The following AGPAT3 variants were observed in gnomAD, a reference collection of about 807,000 sequenced individuals.
AGPAT3 encodes the protein 1-acylglycerol-3-phosphate O-acyltransferase 3, also known as 1-acyl-sn-glycerol-3-phosphate acyltransferase gamma.
A neutral mutation model predicts 47.3 loss-of-function variants in AGPAT3; 5 were observed. That is an observed-to-expected ratio of 0.11 (90% CI 0.06 to 0.22). AGPAT3 has a LOEUF of 0.22. Ranked by LOEUF, AGPAT3 falls within the 10% of genes least tolerant of loss-of-function variation. The pLI is 1.00. For missense variants in AGPAT3, 315 were observed against 493.0 expected (o/e 0.64, Z 3.42); for synonymous variants, 212 against 208.3 (o/e 1.02, Z -0.15).
intron 1 of AGPAT3, among the ~76,000 whole-genome samples, chr21:43,866,016 G>A (rs1395792452): frequency 1.3e-5 from 2 of 152,132 alleles, no homozygotes; most frequent in African/African-American, 4.8e-5. Context: ...AGCCGTGGGG[G>A]CGAAAACCCA....
chr21:43,970,607 AC>A lies in AGPAT3; in HGVS notation c.511-42del. 1 of 1,602,086 alleles carries A rather than the reference AC, an allele frequency of 6.2e-7. No individual in the cohort carries two copies. Reference sequence around the variant, plus strand: ...GCAGGCCTGGCCTGGACATGCACCCACCCCAGCTGCTCTGTGGAGTGACCCT... The same window carrying A: ...GCAGGCCTGGCCTGGACATGCACCCACCCAGCTGCTCTGTGGAGTGACCCT... On this transcript the variant is annotated intron_variant, in intron 5 of 9. Transcript: ENST00000291572. This position sits in a 1 kb window ranked among gnomAD's most constrained non-coding sequence, Gnocchi z 5.8.
chr21:43,939,857 C>T lies in AGPAT3; in HGVS notation c.-48-19777C>T, dbSNP rs970126053. 2.0e-5 allele frequency among the ~76,000 whole-genome samples: 3 copies of T among 152,210 alleles called. No individual in the cohort carries two copies. The highest frequency in any genetic ancestry group is 7.2e-5 in the African/African-American group (3 of 41,440). On this transcript the variant is annotated intron_variant, in intron 2 of 9. Coordinates refer to ENST00000291572, the MANE Select transcript of AGPAT3 (RefSeq NM_020132.5). This position sits in a 1 kb window ranked among gnomAD's most constrained non-coding sequence, Gnocchi z 4.4. The stretch of plus-strand genomic sequence containing the variant: ...CTCGTTGACCTGCATCCTGGCTGGC[C>T]CTGTGACTCTGCCTGTTTACAGTGA...
At chr21:43,879,048 A>G (rs1466789776) in intron 1 of AGPAT3, among the ~76,000 whole-genome samples, 1 of 152,082 alleles carries the variant, frequency 6.6e-6, no homozygotes, top group Non-Finnish European at 1.5e-5. Context: ...CTTGTCTTCT[A>G]GTTTTGAAAT....
At chr21:43,879,037 G>T (rs1189139983) in intron 1 of AGPAT3, among the ~76,000 whole-genome samples, 7 of 152,108 alleles carry the variant, frequency 4.6e-5, no homozygotes, top group African/African-American at 7.2e-5. Flanking sequence ...ACCACGCTTG[G>T]CTTGTCTTCT....
At chr21:43,971,563 G>A in intron 7 of AGPAT3, 73 bp downstream of exon 7, 1 of 1,451,706 alleles carries the variant, frequency 6.9e-7, no homozygotes, top group South Asian at 1.2e-5. Flanking sequence ...GAGGCCAGGA[G>A]GGTGGCTGGG....
At chr21:43,878,821 AC>A (rs2085790728) in intron 1 of AGPAT3, among the ~76,000 whole-genome samples, 1 of 150,634 alleles carries the variant, frequency 6.6e-6, no homozygotes, top group Non-Finnish European at 1.5e-5. Context: ...GCTCATTGCA[AC>A]CTCCACCTCC....
rs80200491 is a variant in AGPAT3 at position 43,880,760 on chromosome 21, G to A, written c.-112+15415G>A. ...AACAAGGACACGTCTAGAGACAGGC[G>A]CTGGACGTCTCCTGCTCACTGGCAT... On this transcript the variant is annotated intron_variant, in intron 1 of 9. Transcript: ENST00000291572. The surrounding 1 kb of genome is among the most constrained non-coding windows in gnomAD (Gnocchi z 4.5). Among the ~76,000 whole-genome samples, 7 of 152,332 alleles carry A rather than the reference G, an allele frequency of 4.6e-5. No individual in the cohort carries two copies. The East Asian group carries it at 9.6e-4, about 21-fold the overall frequency.
chr21:43,980,285 AAAAAAAC>A (rs1409844730), intron 8 of AGPAT3, among the ~76,000 whole-genome samples: 1 of 149,232 alleles, frequency 6.7e-6, no homozygotes, highest in African/African-American at 2.5e-5. Flanking sequence ...CAAAAAAAAA[AAAAAAAC>A]AAAAAAAAAC....
chr21:43,881,967 A>AT (rs2085863220), intron 1 of AGPAT3, among the ~76,000 whole-genome samples: 2 of 152,228 alleles, frequency 1.3e-5, no homozygotes, highest in Admixed American at 6.5e-5. Context: ...TATTAAAAAC[A>AT]TTTTTTTGCC....
chr21:43,886,515 G>C (rs542619528), intron 1 of AGPAT3, among the ~76,000 whole-genome samples: 3 of 152,276 alleles, frequency 2.0e-5, no homozygotes, highest in South Asian at 2.1e-4. Context: ...GCCTCCAAAA[G>C]TACTGGGATT....
chr21:43,873,251 A>G (rs1458390352), intron 1 of AGPAT3, among the ~76,000 whole-genome samples: 2 of 152,176 alleles, frequency 1.3e-5, no homozygotes, highest in Non-Finnish European at 2.9e-5. Flanking sequence ...ACCTCGTGCT[A>G]CATTCGCCAT....
chr21:43,977,388 G>A (rs117438459), intron 7 of AGPAT3, among the ~76,000 whole-genome samples: 1,742 of 152,302 alleles, frequency 0.011, 13 homozygotes, highest in Non-Finnish European at 0.02. Flanking sequence ...TCTCGGGAGC[G>A]CACACATGAC....
At chr21:43,892,586 A>G (rs973375028) in intron 1 of AGPAT3, among the ~76,000 whole-genome samples, 6 of 152,234 alleles carry the variant, frequency 3.9e-5, no homozygotes, top group Admixed American at 3.3e-4. Flanking sequence ...GAGCACAGGC[A>G]AAAGTAGATT....
chr21:43,981,939 G>A lies in AGPAT3; in HGVS notation c.1043-365G>A, dbSNP rs1466005986. ...GACAGGATGTGACCTGCTTACATCCGAGGGTCCTGCTCGTCCACCTCTGTC... is the reference window on the plus strand; with the variant it reads ...GACAGGATGTGACCTGCTTACATCCAAGGGTCCTGCTCGTCCACCTCTGTC... On this transcript the variant is annotated intron_variant, in intron 9 of 9. Coordinates refer to ENST00000291572, the MANE Select transcript of AGPAT3 (RefSeq NM_020132.5). This position sits in a 1 kb window ranked among gnomAD's most constrained non-coding sequence, Gnocchi z 5.3. 2.0e-5 allele frequency among the ~76,000 whole-genome samples: 3 copies of A among 152,288 alleles called. No individual in the cohort carries two copies. The highest frequency in any genetic ancestry group is 3.4e-3 in the Middle Eastern group (1 of 294).
intron 1 of AGPAT3, among the ~76,000 whole-genome samples, chr21:43,869,819 T>G (rs1573474): frequency 1.3e-5 from 2 of 152,132 alleles, no homozygotes; most frequent in African/African-American, 2.4e-5. Flanking sequence ...TGAAGCGGCT[T>G]TCTCTGGCAG....
chr21:43,931,207 G>A (rs2087229856), intron 2 of AGPAT3, among the ~76,000 whole-genome samples: 2 of 152,278 alleles, frequency 1.3e-5, no homozygotes, highest in South Asian at 4.1e-4. Context: ...CCTGTGTGCT[G>A]GACCTCCCAC....
intron 2 of AGPAT3, among the ~76,000 whole-genome samples, chr21:43,953,053 G>A (rs1457732002): frequency 6.6e-6 from 1 of 152,218 alleles, no homozygotes; most frequent in Non-Finnish European, 1.5e-5. Flanking sequence ...AGTACCCAGC[G>A]GCTCTGCCAT....
chr21:43,967,171 C>T (rs2089166398), intron 3 of AGPAT3: 1 of 152,322 alleles, frequency 6.6e-6, no homozygotes, highest in Admixed American at 6.5e-5. Flanking sequence ...ACGAGCCCCT[C>T]CACACTTCTG....
intron 1 of AGPAT3, among the ~76,000 whole-genome samples, chr21:43,901,772 CAAAAAG>C (rs754008799): frequency 2.0e-4 from 31 of 151,446 alleles, no homozygotes; most frequent in Admixed American, 7.2e-4. Context: ...GAGACTGTCT[CAAAAAG>C]AAAAAAGACC....
Sources: allele counts gnomAD v4.1 joint callset (sites outside exome capture counted in the v4.1 genomes callset), GRCh38; gene constraint gnomAD v4.1.1; non-coding constraint Gnocchi (gnomAD v3.1); transcripts MANE v1.5; gene names NCBI Gene and HGNC (gene_info 2026-07-23, HGNC 2026-07-21).